FHIT: variants seen among roughly 807,000 people sequenced by gnomAD.
FHIT encodes fragile histidine triad diadenosine triphosphatase, also known as bis(5'-adenosyl)-triphosphatase.
FHIT carries 19 observed loss-of-function variants against 17.9 expected under a neutral mutation model. The observed-to-expected ratio is 1.06, with a 90% CI of 0.74 to 1.56. The LOEUF is 1.56. Among genes scored for constraint, FHIT ranks in the 40% most tolerant of loss-of-function variants. FHIT has a pLI of 0.00. For synonymous variants in FHIT, 81 were observed against 69.7 expected (o/e 1.16, Z -0.81); for missense variants, 248 against 189.2 (o/e 1.31, Z -1.82).
intron 7 of FHIT, among the ~76,000 whole-genome samples, chr3:59,957,143 C>T (rs79048170): frequency 1.3e-5 from 2 of 152,194 alleles, no homozygotes; most frequent in Admixed American, 6.5e-5. Context: ...TCCCCAGTAC[C>T]TCTCAATGTG....
chr3:60,177,619 C>T (rs2107429003), intron 5 of FHIT, among the ~76,000 whole-genome samples: 1 of 152,266 alleles, frequency 6.6e-6, no homozygotes, highest in South Asian at 2.1e-4. Flanking sequence ...GCAGCTTTAG[C>T]ACCATTGTTT....
At chr3:61,124,861 C>A (rs1297273635) in intron 2 of FHIT, among the ~76,000 whole-genome samples, 1 of 152,142 alleles carries the variant, frequency 6.6e-6, no homozygotes, top group Non-Finnish European at 1.5e-5. Flanking sequence ...TTCAGGGCTA[C>A]ATCTGCTAGT....
chr3:60,611,922 A>G (rs1553673749), intron 4 of FHIT, among the ~76,000 whole-genome samples: 1 of 152,170 alleles, frequency 6.6e-6, no homozygotes, highest in East Asian at 1.9e-4. Context: ...CTAGGCAGTC[A>G]TGTAGGGCCC....
intron 5 of FHIT, among the ~76,000 whole-genome samples, chr3:60,114,336 A>G (rs1190997713): frequency 6.6e-6 from 1 of 151,192 alleles, no homozygotes; most frequent in Non-Finnish European, 1.5e-5. Flanking sequence ...AGATACACAA[A>G]TAAGCAATAG....
chr3:59,989,830 A>G (rs1709148967), intron 7 of FHIT, among the ~76,000 whole-genome samples: 1 of 152,068 alleles, frequency 6.6e-6, no homozygotes, highest in African/African-American at 2.4e-5. Flanking sequence ...TCAAAAAGAC[A>G]TACTCCTCTC....
At chr3:59,754,903 C>G (rs1472275943) in intron 8 of FHIT, among the ~76,000 whole-genome samples, 11 of 151,998 alleles carry the variant, frequency 7.2e-5, no homozygotes, top group Non-Finnish European at 1.6e-4. Context: ...GGCACTCAAC[C>G]CTGGTTGGTT....
rs796535571 is a variant in FHIT, at chr3:59,986,526, T to C, written c.279+24845A>G. Reference sequence around the variant, plus strand: ...ATATATATATATATATATATATATATATATATATATATATACACACACACA... The same window carrying C: ...ATATATATATATATATATATATATACATATATATATATATACACACACACA... On this transcript the variant is annotated intron_variant, in intron 7 of 9. Transcript: ENST00000492590. Among the ~76,000 whole-genome samples the C allele has an allele frequency of 4.3e-3, 18 of 4,170 alleles. 2 individuals carry two copies. Among genetic ancestry groups the C allele is most frequent in the African/African-American group, 5.5e-3 (10 of 1,818 alleles). 2.7% of individuals were successfully genotyped at this position (4,170 alleles called of 152,430 possible).
intron 3 of FHIT, among the ~76,000 whole-genome samples, chr3:60,958,462 A>T (rs182984258): frequency 1.5e-3 from 226 of 152,344 alleles, no homozygotes; most frequent in African/African-American, 5.3e-3. Context: ...AAATAGATGT[A>T]GTATTATTTA....
intron 5 of FHIT, among the ~76,000 whole-genome samples, chr3:60,152,280 C>T (rs1232370573): frequency 6.6e-6 from 1 of 152,196 alleles, no homozygotes; most frequent in African/African-American, 2.4e-5. Context: ...GTAGGAAGCA[C>T]ATGCACACAT....
At chr3:61,153,350 A>T (rs913624331) in intron 2 of FHIT, among the ~76,000 whole-genome samples, 11 of 152,204 alleles carry the variant, frequency 7.2e-5, no homozygotes, top group African/African-American at 2.2e-4. Context: ...TGCTTCAGAA[A>T]CATTAAAATA....
chr3:60,552,075 TG>T (rs1266447813), intron 4 of FHIT, among the ~76,000 whole-genome samples: 3 of 152,150 alleles, frequency 2.0e-5, no homozygotes, highest in Non-Finnish European at 4.4e-5. Flanking sequence ...TCTATAGAAA[TG>T]GAGTCATACG....
chr3:61,033,485 A>G (rs1423865017), intron 3 of FHIT, among the ~76,000 whole-genome samples: 1 of 152,192 alleles, frequency 6.6e-6, no homozygotes, highest in African/African-American at 2.4e-5. Context: ...AATATTTTTA[A>G]TATTTTTGGC....
intron 5 of FHIT, among the ~76,000 whole-genome samples, chr3:60,419,132 A>C (rs886521274): frequency 1.3e-5 from 2 of 152,162 alleles, no homozygotes; most frequent in African/African-American, 4.8e-5. Flanking sequence ...GCCTCAAATC[A>C]TATCTACCAC....
At chr3:60,073,947 C>T (rs982254561) in intron 5 of FHIT, among the ~76,000 whole-genome samples, 1 of 152,166 alleles carries the variant, frequency 6.6e-6, no homozygotes, top group Non-Finnish European at 1.5e-5. Flanking sequence ...TTCACTCTCT[C>T]TTTACTTCTT....
chr3:59,814,867 G>A (rs1157813862), intron 8 of FHIT, among the ~76,000 whole-genome samples: 1 of 152,062 alleles, frequency 6.6e-6, no homozygotes, highest in Non-Finnish European at 1.5e-5. Context: ...AGGCTACCAT[G>A]CAGTGGGGGA....
At chr3:61,007,361 A>T (rs896091414) in intron 3 of FHIT, among the ~76,000 whole-genome samples, 1 of 152,172 alleles carries the variant, frequency 6.6e-6, no homozygotes, top group Non-Finnish European at 1.5e-5. Context: ...GCCATGTTTA[A>T]TTACCTTTAC....
intron 5 of FHIT, among the ~76,000 whole-genome samples, chr3:60,296,514 T>C (rs756142271): frequency 6.6e-6 from 1 of 152,114 alleles, no homozygotes; most frequent in Non-Finnish European, 1.5e-5. Context: ...TTTTTTGTTG[T>C]TGTTGAGTTT....
chr3:61,161,989 G>A (rs565066552), intron 2 of FHIT, among the ~76,000 whole-genome samples: 21 of 152,172 alleles, frequency 1.4e-4, no homozygotes, highest in Non-Finnish European at 2.5e-4. Flanking sequence ...TCAAATATTA[G>A]GTAAGTGTTT....
intron 5 of FHIT, among the ~76,000 whole-genome samples, chr3:60,045,824 G>C (rs968053420): frequency 6.6e-6 from 1 of 152,160 alleles, no homozygotes; most frequent in Admixed American, 6.5e-5. Flanking sequence ...ATGGAGAATG[G>C]ATAAGGAGGA....
Sources: allele counts gnomAD v4.1 joint callset (sites outside exome capture counted in the v4.1 genomes callset), GRCh38; gene constraint gnomAD v4.1.1; transcripts MANE v1.5; gene names NCBI Gene and HGNC (gene_info 2026-07-23, HGNC 2026-07-21).